The following KLF8 variants were observed in gnomAD, a reference collection of about 807,000 sequenced individuals.
The protein encoded by KLF8 is KLF transcription factor 8.
In KLF8, 10 loss-of-function variants were observed where a neutral mutation model predicts 18.2. The observed-to-expected ratio is 0.55, with a 90% confidence interval of 0.34 to 0.93. The LOEUF is 0.93. Among genes scored for constraint, KLF8 ranks in the 40% least tolerant of loss-of-function variants. The probability of loss-of-function intolerance (pLI) is 0.02; values close to 1 mark genes in which losing one functional copy is unlikely to be tolerated. For synonymous variants in KLF8, 109 were observed against 97.3 expected, an observed-to-expected ratio of 1.12 and a Z score of -0.71; for missense variants, 264 against 277.9, an observed-to-expected ratio of 0.95 and a Z score of 0.36.
the KLF8 span, among the ~76,000 whole-genome samples, chrX:56,173,302 T>C: frequency 8.9e-6 from 1 of 112,191 alleles, no homozygotes; most frequent in Non-Finnish European, 1.9e-5. Flanking sequence ...GGATCCAGTT[T>C]CAGCTTTCTA....
At chrX:55,926,348 C>T in the KLF8 span, among the ~76,000 whole-genome samples, 1 of 110,707 alleles carries the variant, frequency 9.0e-6, no homozygotes, top group East Asian at 2.9e-4. Context: ...CATACATCTC[C>T]CTGTCTTTCC....
chrX:56,141,075 C>T, the KLF8 span, among the ~76,000 whole-genome samples: 1 of 111,657 alleles, frequency 9.0e-6, no homozygotes, highest in Non-Finnish European at 1.9e-5. Flanking sequence ...GCAATCCTCA[C>T]GCCTCAGCCT....
At chrX:56,039,750 T>C in the KLF8 span, among the ~76,000 whole-genome samples, 1 of 111,840 alleles carries the variant, frequency 8.9e-6, no homozygotes, top group African/African-American at 3.3e-5. Flanking sequence ...GAATCATTTT[T>C]TCTAATTCCA....
chrX:55,996,444 T>G, the KLF8 span, among the ~76,000 whole-genome samples: 2 of 112,072 alleles, frequency 1.8e-5, no homozygotes, highest in Non-Finnish European at 1.9e-5. Context: ...ACTGTCTTTT[T>G]GAGTCATCAG....
chrX:56,219,112 A>G, the KLF8 span, among the ~76,000 whole-genome samples: 1 of 112,332 alleles, frequency 8.9e-6, no homozygotes, highest in Non-Finnish European at 1.9e-5. Flanking sequence ...GTGCTGTAGA[A>G]GTACGTGTAG....
chrX:56,275,881 C>A (rs1304187869), intron 5 of KLF8, among the ~76,000 whole-genome samples: 1 of 111,565 alleles, frequency 9.0e-6, no homozygotes, highest in Non-Finnish European at 1.9e-5. Flanking sequence ...TAATGTGTTG[C>A]TAGTATTTTG....
At chrX:56,016,176 T>C in the KLF8 span, among the ~76,000 whole-genome samples, 1 of 111,798 alleles carries the variant, frequency 8.9e-6, no homozygotes, top group Admixed American at 9.5e-5. Context: ...GGGCAAATCA[T>C]TTAGCCTCAA....
chrX:56,226,534 T>A, the KLF8 span, among the ~76,000 whole-genome samples: 1 of 112,200 alleles, frequency 8.9e-6, no homozygotes, highest in Admixed American at 9.5e-5. Flanking sequence ...TGCCACTGGA[T>A]GAAATAACCT....
chrX:56,022,145 C>T, the KLF8 span, among the ~76,000 whole-genome samples: 4 of 111,027 alleles, frequency 3.6e-5, no homozygotes, highest in East Asian at 1.1e-3. Flanking sequence ...TATCCCTTAT[C>T]TATAAAAACC....
the KLF8 span, among the ~76,000 whole-genome samples, chrX:56,144,766 A>G: frequency 4.1e-4 from 35 of 84,727 alleles, no homozygotes; most frequent in Middle Eastern, 5.6e-3. Context: ...CAAAAAAAAA[A>G]AAAAGAAAAG....
In KLF8 at chrX:56,285,748, A is replaced by G. The variant is rs1423019249; in HGVS notation, c.*1254A>G. 1.8e-5 allele frequency: 2 copies of G among 111,370 alleles called. No individual in the cohort carries two copies. Among genetic ancestry groups the G allele is most frequent in the Non-Finnish European group, 3.8e-5 (2 of 53,045 alleles). 9.2% of individuals were successfully genotyped at this position (111,370 alleles called of 1,213,427 possible). ...CATAATATACTCATTTAGCTGCCCA[A>G]TCAGATTGTTTTATAATATTACCTG... is the stretch of plus-strand genomic sequence containing the variant. On this transcript the variant is annotated 3_prime_UTR_variant, in exon 6 of 6. Transcript: ENST00000468660.
chrX:55,968,950 A>G, the KLF8 span, among the ~76,000 whole-genome samples: 7 of 112,069 alleles, frequency 6.2e-5, 1 homozygote, highest in African/African-American at 2.3e-4. Context: ...GCAATCAGCT[A>G]TATAAAGCAA....
the KLF8 span, among the ~76,000 whole-genome samples, chrX:55,937,931 C>A: frequency 1.8e-5 from 2 of 112,071 alleles, no homozygotes; most frequent in African/African-American, 6.5e-5. Flanking sequence ...GAGAATGGAA[C>A]CAAGTCACAA....
chrX:56,164,857 G>T, the KLF8 span, among the ~76,000 whole-genome samples: 3 of 88,439 alleles, frequency 3.4e-5, no homozygotes, highest in East Asian at 7.4e-4. Context: ...ACCCACTAAC[G>T]TGTCATCTAG....
intron 2 of KLF8, among the ~76,000 whole-genome samples, chrX:56,256,055 C>G (rs1284601932): frequency 9.0e-6 from 1 of 111,342 alleles, no homozygotes; most frequent in East Asian, 2.8e-4. Flanking sequence ...TGGCTTCAAT[C>G]TCATTACTTG....
the KLF8 span, among the ~76,000 whole-genome samples, chrX:56,113,973 G>A: frequency 1.7e-4 from 19 of 112,089 alleles, no homozygotes; most frequent in Non-Finnish European, 2.8e-4. Context: ...GACTGACTAA[G>A]TCCTCTGAAT....
At chrX:56,211,475 A>G in the KLF8 span, among the ~76,000 whole-genome samples, 1 of 112,247 alleles carries the variant, frequency 8.9e-6, no homozygotes, top group Non-Finnish European at 1.9e-5. Context: ...ACTGGGTCAC[A>G]CCTCAAGCTA....
the KLF8 span, among the ~76,000 whole-genome samples, chrX:56,031,465 G>A: frequency 1.8e-5 from 2 of 112,210 alleles, no homozygotes; most frequent in Non-Finnish European, 3.8e-5. Context: ...AGTTTCAGAT[G>A]TCTGGACTCC....
At chrX:56,100,960 A>G in the KLF8 span, among the ~76,000 whole-genome samples, 1 of 112,010 alleles carries the variant, frequency 8.9e-6, no homozygotes, top group African/African-American at 3.2e-5. Context: ...ATCTATTATT[A>G]GAACATTTTT....
Sources: gnomAD v4.1 joint callset for allele counts (sites outside exome capture counted in the v4.1 genomes callset) on GRCh38, gnomAD v4.1.1 for gene constraint, MANE v1.5 for transcripts, NCBI Gene and HGNC (gene_info 2026-07-23, HGNC 2026-07-21) for gene names.